RASAL2: variants seen among roughly 807,000 people sequenced by gnomAD.
RASAL2 encodes the protein RAS protein activator like 2.
A neutral mutation model predicts 128.9 loss-of-function variants in RASAL2; 58 were observed. The ratio of observed to expected loss-of-function variants is 0.45; its 90% CI spans 0.36 to 0.56. RASAL2 has a LOEUF of 0.56. Ranked by LOEUF, RASAL2 falls within the 20% of genes least tolerant of loss-of-function variation. The probability of loss-of-function intolerance (pLI) is 0.00; values close to 1 mark genes in which losing one functional copy is unlikely to be tolerated. For synonymous variants in RASAL2, 561 were observed against 580.8 expected, an observed-to-expected ratio of 0.97 and a Z score of 0.49; for missense variants, 1,360 against 1,601.6, an observed-to-expected ratio of 0.85 and a Z score of 2.57.
intron 1 of RASAL2, among the ~76,000 whole-genome samples, chr1:178,248,747 T>G (rs1664904290): frequency 6.6e-6 from 1 of 152,172 alleles, no homozygotes; most frequent in African/African-American, 2.4e-5. Flanking sequence ...GTGACAAAAT[T>G]TCTCAGCATT....
chr1:178,120,597 CTTAA>C (rs1248237961), intron 1 of RASAL2, among the ~76,000 whole-genome samples: 3 of 152,342 alleles, frequency 2.0e-5, no homozygotes, highest in East Asian at 3.9e-4. Flanking sequence ...CCAAATGTAG[CTTAA>C]TTGTCACTTG....
intron 1 of RASAL2, among the ~76,000 whole-genome samples, chr1:178,256,510 A>G (rs1042777538): frequency 3.3e-5 from 5 of 152,216 alleles, no homozygotes; most frequent in Non-Finnish European, 7.4e-5. Context: ...TAGGCAACAT[A>G]AAGAAATAAA....
At chr1:178,234,343 T>C (rs765746588) in intron 1 of RASAL2, among the ~76,000 whole-genome samples, 1 of 152,214 alleles carries the variant, frequency 6.6e-6, no homozygotes, top group Non-Finnish European at 1.5e-5. Context: ...ATTACACTGA[T>C]AGCTCTTAAA....
intron 1 of RASAL2, among the ~76,000 whole-genome samples, chr1:178,167,993 C>T (rs1038273075): frequency 4.6e-5 from 7 of 151,906 alleles, no homozygotes; most frequent in Non-Finnish European, 8.8e-5. Flanking sequence ...TGGATTAGAG[C>T]GTGTTTTCAA....
At chr1:178,459,377 T>C (rs1678014094) in intron 14 of RASAL2, among the ~76,000 whole-genome samples, 1 of 151,902 alleles carries the variant, frequency 6.6e-6, no homozygotes. Flanking sequence ...TATATATCTT[T>C]ATATATCTTT....
chr1:178,408,626 G>GT lies in RASAL2; in HGVS notation c.565-11881dup, dbSNP rs906805434. 4.9e-4 allele frequency among the ~76,000 whole-genome samples: 72 copies of GT among 146,140 alleles called. 2 individuals carry two copies. Among genetic ancestry groups the GT allele is most frequent in the African/African-American group, 1.7e-3 (64 of 37,240 alleles). ...GGTTTTTTTTTGTTTTTTGTTTTTTGTTTTGCTTCTCTTTTTTTTCCTCAT... is the reference window on the plus strand; with the variant it reads ...GGTTTTTTTTTGTTTTTTGTTTTTTGTTTTTGCTTCTCTTTTTTTTCCTCAT... On this transcript the variant is annotated intron_variant, in intron 4 of 17. Transcript: ENST00000367649.
intron 1 of RASAL2, among the ~76,000 whole-genome samples, chr1:178,252,183 C>A (rs529754441): frequency 2.1e-4 from 32 of 152,030 alleles, no homozygotes; most frequent in Non-Finnish European, 4.3e-4. Context: ...AAAATTAATT[C>A]TGAGGAATTT....
chr1:178,364,593 A>G (rs1272538744), intron 3 of RASAL2, among the ~76,000 whole-genome samples: 2 of 152,208 alleles, frequency 1.3e-5, no homozygotes, highest in African/African-American at 4.8e-5. Flanking sequence ...TGCTAGGCCT[A>G]GTGACAAATT....
chr1:178,216,368 T>A (rs1348058673), intron 1 of RASAL2, among the ~76,000 whole-genome samples: 2 of 152,246 alleles, frequency 1.3e-5, no homozygotes, highest in African/African-American at 4.8e-5. Flanking sequence ...TATGTTCTAT[T>A]CCACATGCCT....
intron 1 of RASAL2, among the ~76,000 whole-genome samples, chr1:178,245,155 G>A (rs781237300): frequency 6.6e-5 from 10 of 152,208 alleles, no homozygotes; most frequent in Non-Finnish European, 1.5e-4. Context: ...TCGCCACACT[G>A]TCGTCCACAA....
At chr1:178,469,446 TA>T (rs1487869381) in intron 17 of RASAL2, among the ~76,000 whole-genome samples, 2 of 152,106 alleles carry the variant, frequency 1.3e-5, no homozygotes, top group Non-Finnish European at 2.9e-5. Context: ...TGACTGGGTA[TA>T]AAGCAGAAGT....
At chr1:178,360,532 T>C (rs1314059212) in intron 3 of RASAL2, among the ~76,000 whole-genome samples, 1 of 152,206 alleles carries the variant, frequency 6.6e-6, no homozygotes. Context: ...GGTTCTCTTT[T>C]TTGGTGTCTA....
At position 178,332,330 on chromosome 1, in the gene RASAL2, C is replaced by T. The variant is rs759806808; in HGVS notation, c.457+32212C>T. On this transcript the variant is annotated intron_variant, in intron 3 of 17. Transcript: ENST00000367649. ...CAGCCTGGCCAACATGGTAAAACCTCGTCTCTACTAAAATCACACAAAAAA... is the reference window on the plus strand; with the variant it reads ...CAGCCTGGCCAACATGGTAAAACCTTGTCTCTACTAAAATCACACAAAAAA... 3.3e-5 allele frequency among the ~76,000 whole-genome samples: 5 copies of T among 151,838 alleles called. No individual in the cohort carries two copies. In the South Asian group the frequency reaches 1.0e-3, roughly 32 times the overall value.
intron 1 of RASAL2, among the ~76,000 whole-genome samples, chr1:178,269,649 A>G (rs1666152421): frequency 6.6e-6 from 1 of 152,190 alleles, no homozygotes; most frequent in South Asian, 2.1e-4. Context: ...CACCAGCGCC[A>G]TGACAGTTTA....
At chr1:178,194,419 AG>A in intron 1 of RASAL2, 1 of 219,592 alleles carries the variant, frequency 4.6e-6, no homozygotes, top group Non-Finnish European at 9.9e-6. Context: ...CACACAGAGT[AG>A]TGTCTTCCAA....
At chr1:178,101,582 A>G (rs897920341) in intron 1 of RASAL2, among the ~76,000 whole-genome samples, 2 of 152,224 alleles carry the variant, frequency 1.3e-5, no homozygotes, top group Non-Finnish European at 2.9e-5. Context: ...TTCAACATAG[A>G]TAAGATAACA....
intron 1 of RASAL2, among the ~76,000 whole-genome samples, chr1:178,243,488 GA>G (rs1394993624): frequency 6.6e-6 from 1 of 151,910 alleles, no homozygotes; most frequent in East Asian, 1.9e-4. Flanking sequence ...TCTCACTGGG[GA>G]AGGGGAGTCC....
intron 2 of RASAL2, among the ~76,000 whole-genome samples, chr1:178,298,186 T>C (rs1216712715): frequency 6.6e-6 from 1 of 152,230 alleles, no homozygotes; most frequent in Non-Finnish European, 1.5e-5. Context: ...GATACTCTTT[T>C]AATTATTTAA....
At chr1:178,458,637 A>T in intron 14 of RASAL2, 93 bp downstream of exon 14, 1 of 1,466,018 alleles carries the variant, frequency 6.8e-7, no homozygotes, top group Non-Finnish European at 9.1e-7. Flanking sequence ...CCTATTGTTA[A>T]CAAGATTTCC....
Sources: allele counts gnomAD v4.1 joint callset (sites outside exome capture counted in the v4.1 genomes callset), GRCh38; gene constraint gnomAD v4.1.1; transcripts MANE v1.5; gene names NCBI Gene and HGNC (gene_info 2026-07-23, HGNC 2026-07-21).